The following RBFOX1 variants were observed in gnomAD, a reference collection of about 807,000 sequenced individuals.
RBFOX1 encodes the protein RNA binding protein fox-1 homolog 1.
In RBFOX1, 8 loss-of-function variants were observed where a neutral mutation model predicts 57.7. The observed-to-expected ratio is 0.14, with a 90% CI of 0.08 to 0.25. The LOEUF (loss-of-function observed/expected upper bound fraction) is 0.25. RBFOX1 is among the 10% of genes least tolerant of loss of function. RBFOX1 has a pLI of 1.00. For synonymous variants in RBFOX1, 326 were observed against 222.4 expected, an observed-to-expected ratio of 1.47 and a Z score of -4.15; for missense variants, 611 against 548.5, an observed-to-expected ratio of 1.11 and a Z score of -1.14.
chr16:6,978,121 G>A (rs1386525023), intron 3 of RBFOX1, among the ~76,000 whole-genome samples: 1 of 148,902 alleles, frequency 6.7e-6, no homozygotes, highest in Non-Finnish European at 1.5e-5. Flanking sequence ...CTCCAGCCCT[G>A]AACACAACAG....
chr16:7,121,255 C>G (rs978867686), intron 4 of RBFOX1, among the ~76,000 whole-genome samples: 5 of 152,146 alleles, frequency 3.3e-5, no homozygotes, highest in South Asian at 2.1e-4. Context: ...TACTGGAAAT[C>G]TTACTCACTA....
chr16:7,603,839 G>C (rs1403689902), intron 9 of RBFOX1, among the ~76,000 whole-genome samples: 1 of 152,134 alleles, frequency 6.6e-6, no homozygotes, highest in Non-Finnish European at 1.5e-5. Flanking sequence ...TTGGGAAGAA[G>C]CTATTGAATT....
chr16:5,802,435 A>G (rs372847643), intron 3 of RBFOX1, among the ~76,000 whole-genome samples: 13 of 152,140 alleles, frequency 8.5e-5, no homozygotes, highest in African/African-American at 2.7e-4. Context: ...GGTCCCTTGT[A>G]TTCTGAGATC....
chr16:6,828,792 G>C (rs561008669), intron 3 of RBFOX1, among the ~76,000 whole-genome samples: 6 of 152,104 alleles, frequency 3.9e-5, no homozygotes, highest in Admixed American at 3.3e-4. Context: ...GAATACCTAC[G>C]TTTGGTGTAA....
intron 14 of RBFOX1, among the ~76,000 whole-genome samples, chr16:7,682,500 T>G (rs2075017106): frequency 6.6e-6 from 1 of 151,762 alleles, no homozygotes; most frequent in South Asian, 2.1e-4. Context: ...GTCATATCTC[T>G]GTGCCATTTT....
At chr16:6,985,189 C>T (rs578186585) in intron 3 of RBFOX1, among the ~76,000 whole-genome samples, 23 of 139,382 alleles carry the variant, frequency 1.7e-4, no homozygotes, top group African/African-American at 5.6e-4. Flanking sequence ...AATGTGATCA[C>T]ATTCTATTTT....
chr16:5,956,639 A>AATATATATATATATATATTTATAT (rs2059644248), intron 4 of RBFOX1, among the ~76,000 whole-genome samples: 1 of 123,560 alleles, frequency 8.1e-6, no homozygotes, highest in African/African-American at 3.0e-5. Context: ...GCAAAAAACA[A>AATATATATATATATATATTTATAT]ATATATATAT....
intron 3 of RBFOX1, among the ~76,000 whole-genome samples, chr16:6,884,147 T>C (rs143082201): frequency 1.3e-5 from 2 of 152,190 alleles, no homozygotes; most frequent in African/African-American, 4.8e-5. Flanking sequence ...GCAGAGCTAC[T>C]GCAGACAGAA....
At chr16:6,874,988 C>G (rs956239250) in intron 3 of RBFOX1, among the ~76,000 whole-genome samples, 2 of 152,142 alleles carry the variant, frequency 1.3e-5, no homozygotes, top group East Asian at 3.9e-4. Flanking sequence ...TGTTACTAAT[C>G]TTAAAAATGA....
intron 4 of RBFOX1, among the ~76,000 whole-genome samples, chr16:7,231,149 G>C (rs1197322508): frequency 6.6e-6 from 1 of 152,182 alleles, no homozygotes; most frequent in Non-Finnish European, 1.5e-5. Flanking sequence ...CTCCATGGTA[G>C]ACAAGAGACC....
chr16:7,116,273 T>A (rs2065885541), intron 4 of RBFOX1, among the ~76,000 whole-genome samples: 1 of 152,144 alleles, frequency 6.6e-6, no homozygotes, highest in African/African-American at 2.4e-5. Flanking sequence ...ATCCTGGCTA[T>A]CCGAGCTGCT....
rs144375653 is a variant in RBFOX1 at position 7,115,204 on chromosome 16, A to G, written c.27+63106A>G. On this transcript the variant is annotated intron_variant, in intron 4 of 15. Coordinates refer to ENST00000550418, the MANE Select transcript of RBFOX1 (RefSeq NM_018723.4). ...CTGGTATTTTTTTAATTAACTGATG[A>G]AAATGGATGTAAGTAAGGGGTGGAC... is the stretch of plus-strand genomic sequence containing the variant. 1.9e-4 allele frequency among the ~76,000 whole-genome samples: 29 copies of G among 152,288 alleles called. No individual in the cohort carries two copies. The East Asian group carries it at 5.4e-3, about 28-fold the overall frequency.
chr16:5,793,091 C>T (rs1488229468), intron 3 of RBFOX1, among the ~76,000 whole-genome samples: 1 of 152,204 alleles, frequency 6.6e-6, no homozygotes, highest in Non-Finnish European at 1.5e-5. Context: ...TTCCAGACCT[C>T]AGGCTATGTC....
Position 7,653,848 on chromosome 16 carries a change from C to T in RBFOX1, c.791C>T (p.Ala264Val), listed in dbSNP as rs778681653. Residue 264 changes from alanine to valine, a missense_variant, in exon 12 of 16, where the codon GCG becomes GTG. Transcript: ENST00000550418. ...PGFPYPAATA[A>V]AAYRGAHLRG... is the part of the protein sequence containing the mutation. Reference sequence around the variant, plus strand: ...TTCCCGTATCCAGCAGCCACCGCCGCGGCCGCCTACCGAGGGGCGCACCTG... The same window carrying T: ...TTCCCGTATCCAGCAGCCACCGCCGTGGCCGCCTACCGAGGGGCGCACCTG... 3.1e-6 allele frequency: 5 copies of T among 1,606,778 alleles called. No homozygotes were observed. The highest frequency in any genetic ancestry group is 3.4e-6 in the Non-Finnish European group (4 of 1,179,596).
In RBFOX1 at chr16:7,214,743, A is replaced by T. The variant is rs536732383; in HGVS notation, c.27+162645A>T. On this transcript the variant is annotated intron_variant, in intron 4 of 15. Coordinates refer to ENST00000550418, the MANE Select transcript of RBFOX1 (RefSeq NM_018723.4). ...ATCTTTCTTTTTGCTCTCCAGCCTA[A>T]TTTTTCTCCATGGTTTCCTTCACTG... 1.5e-4 allele frequency among the ~76,000 whole-genome samples: 23 copies of T among 151,926 alleles called. No individual in the cohort carries two copies. The South Asian group carries it at 4.8e-3, about 32-fold the overall frequency.
intron 3 of RBFOX1, among the ~76,000 whole-genome samples, chr16:5,757,922 G>A (rs1050877545): frequency 4.6e-5 from 7 of 152,096 alleles, no homozygotes; most frequent in Non-Finnish European, 7.3e-5. Flanking sequence ...CACTACTCTC[G>A]CTGGTCATCA....
chr16:5,945,483 C>G (rs942696314), intron 4 of RBFOX1, among the ~76,000 whole-genome samples: 1 of 152,218 alleles, frequency 6.6e-6, no homozygotes, highest in Non-Finnish European at 1.5e-5. Flanking sequence ...AGGCATGTGC[C>G]AGGCTGTGGA....
chr16:7,075,189 C>G (rs1041515837), intron 4 of RBFOX1, among the ~76,000 whole-genome samples: 2 of 152,156 alleles, frequency 1.3e-5, no homozygotes, highest in Non-Finnish European at 2.9e-5. Context: ...GTACAGACTG[C>G]AGTGATGTTG....
chr16:6,882,949 C>A (rs184149717), intron 3 of RBFOX1, among the ~76,000 whole-genome samples: 1 of 152,182 alleles, frequency 6.6e-6, no homozygotes, highest in Admixed American at 6.5e-5. Context: ...GGCTTCCCCT[C>A]CTGCTTTAGC....
Sources: gnomAD v4.1 joint callset for allele counts (sites outside exome capture counted in the v4.1 genomes callset) on GRCh38, gnomAD v4.1.1 for gene constraint, MANE v1.5 for transcripts, NCBI Gene and HGNC (gene_info 2026-07-23, HGNC 2026-07-21) for gene names.